The following RFTN2 variants were observed in gnomAD, a reference collection of about 807,000 sequenced individuals.
RFTN2 encodes raftlin family member 2, also known as raftlin-2.
A neutral mutation model predicts 52.7 loss-of-function variants in RFTN2; 34 were observed. The observed-to-expected ratio is 0.64, with a 90% CI of 0.49 to 0.86. The LOEUF (loss-of-function observed/expected upper bound fraction) is 0.86, where lower values mean the gene tolerates loss of function less well. RFTN2 is among the 40% of genes least tolerant of loss of function. The pLI, the probability that RFTN2 is intolerant of heterozygous loss-of-function variation, is 0.00. For missense variants in RFTN2, 536 were observed against 600.1 expected, an observed-to-expected ratio of 0.89 and a Z score of 1.12; for synonymous variants, 203 against 217.7, an observed-to-expected ratio of 0.93 and a Z score of 0.59.
At chr2:197,621,610 TTG>T (rs2088267268) in intron 5 of RFTN2, among the ~76,000 whole-genome samples, 1 of 152,108 alleles carries the variant, frequency 6.6e-6, no homozygotes, top group South Asian at 2.1e-4. Context: ...TGTAATTGTT[TTG>T]GGCCACCGGG....
At chr2:197,623,663 A>ATTAT (rs901393360) in intron 5 of RFTN2, among the ~76,000 whole-genome samples, 1 of 150,274 alleles carries the variant, frequency 6.7e-6, no homozygotes, top group Non-Finnish European at 1.5e-5. Flanking sequence ...ATTTTAATTT[A>ATTAT]TTATTTATTT....
chr2:197,645,483 G>T, intron 2 of RFTN2, among the ~76,000 whole-genome samples: 1 of 152,128 alleles, frequency 6.6e-6, no homozygotes. Flanking sequence ...AAAATTTAAT[G>T]TGTTAATCTA....
chr2:197,605,295 C>A (rs1360574417), intron 7 of RFTN2, among the ~76,000 whole-genome samples: 3 of 151,748 alleles, frequency 2.0e-5, no homozygotes, highest in African/African-American at 4.8e-5. Context: ...GGCTCACTGC[C>A]AGCTCCGCCT....
intron 1 of RFTN2, among the ~76,000 whole-genome samples, chr2:197,653,231 A>G (rs888600076): frequency 1.3e-5 from 2 of 152,236 alleles, no homozygotes; most frequent in Non-Finnish European, 2.9e-5. Flanking sequence ...TGTTGAATGG[A>G]TAAGTAAACT....
chr2:197,606,620 A>G (rs1410283210), intron 7 of RFTN2, among the ~76,000 whole-genome samples: 6 of 151,936 alleles, frequency 3.9e-5, no homozygotes. Flanking sequence ...AATGAACTCA[A>G]ACAAATTTAC....
At chr2:197,596,996 G>C (rs2087802184) in intron 7 of RFTN2, among the ~76,000 whole-genome samples, 1 of 152,120 alleles carries the variant, frequency 6.6e-6, no homozygotes, top group Non-Finnish European at 1.5e-5. Flanking sequence ...ATGTTGCTCA[G>C]TTACGACTTT....
chr2:197,608,647 T>TAA (rs1362291932), intron 7 of RFTN2, among the ~76,000 whole-genome samples: 1 of 108,728 alleles, frequency 9.2e-6, no homozygotes, highest in Non-Finnish European at 2.0e-5. Flanking sequence ...TTTTTTTTTT[T>TAA]AATACTTTAA....
chr2:197,573,146 C>A (rs941846209), intron 8 of RFTN2, among the ~76,000 whole-genome samples: 1 of 151,778 alleles, frequency 6.6e-6, no homozygotes, highest in Non-Finnish European at 1.5e-5. Context: ...AATGTAGAAG[C>A]GACTTTGGAA....
intron 5 of RFTN2, among the ~76,000 whole-genome samples, chr2:197,622,105 G>A (rs1199742913): frequency 6.6e-6 from 1 of 152,160 alleles, no homozygotes; most frequent in Non-Finnish European, 1.5e-5. Flanking sequence ...AAGGCTGAGA[G>A]AGGTGAGGAA....
chr2:197,591,541 G>A (rs920491709), intron 8 of RFTN2, among the ~76,000 whole-genome samples: 5 of 152,336 alleles, frequency 3.3e-5, no homozygotes, highest in East Asian at 1.9e-4. Flanking sequence ...TGCCAGTCCC[G>A]CGCAGTGTGC....
Position 197,646,673 on chromosome 2 carries a change from T to C in RFTN2, c.140-7A>G. The C allele has an allele frequency of 6.2e-7, 1 of 1,603,352 alleles. No individual in the cohort carries two copies. Among genetic ancestry groups the C allele is most frequent in the Non-Finnish European group, 8.5e-7 (1 of 1,172,374 alleles). On this transcript the variant is annotated splice_region_variant and splice_polypyrimidine_tract_variant and intron_variant, in intron 1 of 8. Transcript: ENST00000295049. ...ACTTCTGGGTTTGATGAAGCTGAAA[T>C]ATCAAAAGCAAAGAGAAATTTGCAT... is the stretch of plus-strand genomic sequence containing the variant.
chr2:197,604,580 C>T (rs758669962), intron 7 of RFTN2, among the ~76,000 whole-genome samples: 7 of 151,996 alleles, frequency 4.6e-5, no homozygotes, highest in Non-Finnish European at 7.4e-5. Flanking sequence ...TATGACTATC[C>T]TAAAAGTGGG....
rs572222176 is a variant in RFTN2, at chr2:197,596,380, C to T, written c.1155-311G>A. On this transcript the variant is annotated intron_variant, in intron 7 of 8. Transcript: ENST00000295049. ...CAATATTTTCATTTCTTTGTTTCCC[C>T]TCTTAGTCTTTATCAGCTTGTGTAA... Among the ~76,000 whole-genome samples the T allele has an allele frequency of 3.9e-5, 6 of 152,230 alleles. No homozygotes were observed. In the South Asian group the frequency reaches 1.2e-3, roughly 32 times the overall value.
intron 3 of RFTN2, among the ~76,000 whole-genome samples, chr2:197,637,827 T>A (rs550325045): frequency 6.6e-6 from 1 of 152,092 alleles, no homozygotes; most frequent in Admixed American, 6.6e-5. Context: ...TTAATTGTGA[T>A]GTTAGGGTGT....
At chr2:197,617,478 A>G (rs114886808) in intron 6 of RFTN2, among the ~76,000 whole-genome samples, 209 of 152,186 alleles carry the variant, frequency 1.4e-3, no homozygotes, top group African/African-American at 4.8e-3. Context: ...AATAAAATAT[A>G]TATAGCCTGG....
chr2:197,618,928 G>A (rs951506538), intron 5 of RFTN2, among the ~76,000 whole-genome samples: 10 of 151,830 alleles, frequency 6.6e-5, no homozygotes, highest in Admixed American at 2.0e-4. Flanking sequence ...GTCTCTGCCC[G>A]GCAGCCACCT....
rs188487054 is a variant in RFTN2, at chr2:197,617,955, T to C, written c.929-34A>G. ...AAGAGGGTACAATTAAGAAGGGTTGTAAATACTAAGTGGCTCATAAAACCA... is the reference window on the plus strand; with the variant it reads ...AAGAGGGTACAATTAAGAAGGGTTGCAAATACTAAGTGGCTCATAAAACCA... On this transcript the variant is annotated intron_variant, in intron 5 of 8. Transcript: ENST00000295049. 6.6e-3 allele frequency: 10,197 copies of C among 1,544,054 alleles called. 47 individuals carry two copies. Among genetic ancestry groups the C allele is most frequent in the Non-Finnish European group, 7.9e-3 (8,981 of 1,143,164 alleles).
At position 197,669,376 on chromosome 2, in the gene RFTN2, C is replaced by CTT. The variant is rs11408740; in HGVS notation, c.139+5942_139+5943dup. On this transcript the variant is annotated intron_variant, in intron 1 of 8. Coordinates refer to ENST00000295049, the MANE Select transcript of RFTN2 (RefSeq NM_144629.3). ...TATCCCTACTCACTTCCTATTCAGC[C>CTT]TTTTTTTTTTTCAAATTTTTTTGGG... 3.6e-3 allele frequency among the ~76,000 whole-genome samples: 513 copies of CTT among 144,480 alleles called. 8 individuals carry two copies. Among genetic ancestry groups the CTT allele is most frequent in the African/African-American group, 0.012 (477 of 39,262 alleles). 94.8% of individuals were successfully genotyped at this position (144,480 alleles called of 152,430 possible).
In RFTN2 at chr2:197,618,409, G is replaced by A. The variant is rs879745171; in HGVS notation, c.929-488C>T. On this transcript the variant is annotated intron_variant, in intron 5 of 8. Coordinates refer to ENST00000295049, the MANE Select transcript of RFTN2 (RefSeq NM_144629.3). ...AGTGCTCAATGGTGCCCAGGCTGGA[G>A]TGCAGTGGCATGATCTCGGCTCGCT... 1.2e-3 allele frequency among the ~76,000 whole-genome samples: 176 copies of A among 152,194 alleles called. 1 individual carries two copies. The highest frequency in any genetic ancestry group is 1.8e-3 in the Non-Finnish European group (124 of 67,952).
Sources: allele counts gnomAD v4.1 joint callset (sites outside exome capture counted in the v4.1 genomes callset), GRCh38; gene constraint gnomAD v4.1.1; transcripts MANE v1.5; gene names NCBI Gene and HGNC (gene_info 2026-07-23, HGNC 2026-07-21).